The following TRIM48 variants were observed in gnomAD, a reference collection of about 807,000 sequenced individuals.
TRIM48 encodes the protein tripartite motif containing 48.
A neutral mutation model predicts 29.5 loss-of-function variants in TRIM48; 31 were observed. The observed-to-expected ratio is 1.05, with a 90% CI of 0.79 to 1.42. The LOEUF is 1.42. TRIM48 is among the 40% of genes most tolerant of loss of function. The probability of loss-of-function intolerance (pLI) is 0.00; values close to 1 mark genes in which losing one functional copy is unlikely to be tolerated. For missense variants in TRIM48, 344 were observed against 265.0 expected (o/e 1.30, Z -2.07); for synonymous variants, 128 against 90.6 (o/e 1.41, Z -2.34).
chr11:55,265,106 T>C lies in TRIM48; in HGVS notation c.251T>C (p.Ile84Thr), dbSNP rs61894887. ...CAGCAGAGAAACCTCAAAACTAACA[T>C]TCGATTGAAGAAGATGGCTTCCCTT... Reference protein sequence around the residue: ...TIQQRNLKTNIRLKKMASLAR... With the variant: ...TIQQRNLKTNTRLKKMASLAR... The change falls in exon 2 of 6, where the codon ATT becomes ACT. Residue 84 changes from isoleucine (I) to threonine (T), a missense_variant. Coordinates refer to ENST00000417545, the MANE Select transcript of TRIM48 (RefSeq NM_024114.5). 100,835 of 1,582,506 alleles carry C rather than the reference T, an allele frequency of 0.064. 12,799 individuals are homozygous for C. The highest frequency in any genetic ancestry group is 0.071 in the Non-Finnish European group (82,655 of 1,165,984).
rs1446430368 is a variant in TRIM48, at chr11:55,265,225, A to G, written c.370A>G (p.Arg124Gly). 2 of 1,582,814 alleles carry G rather than the reference A, an allele frequency of 1.3e-6. No homozygotes were observed. The highest frequency in any genetic ancestry group is 1.7e-6 in the Non-Finnish European group (2 of 1,166,226). ...AAAGAAGATGTTCTGTGAAGTGGAC[A>G]GGAGCCTGCTCTGTTTGCTGTGCTC... The part of the protein sequence containing the change: ...ETKKMFCEVD[R>G]SLLCLLCSSS... Residue 124 changes from arginine to glycine, a missense_variant, in exon 2 of 6, where the codon AGG becomes GGG. Physicochemically the swap from Arg to Gly is moderately radical, Grantham distance 125 (BLOSUM62 -2). Transcript: ENST00000417545.
Position 55,262,287 on chromosome 11 carries a change from T to A in TRIM48, c.20T>A (p.Val7Glu), listed in dbSNP as rs1035934795. MSRRIIVGTLQRTQRNM... is the reference protein window; with the variant it reads MSRRIIEGTLQRTQRNM... ...AGAATTATGTCTCGAAGAATCATTGTGGGAACCCTTCAAAGAACCCAGCGG... is the reference window on the plus strand; with the variant it reads ...AGAATTATGTCTCGAAGAATCATTGAGGGAACCCTTCAAAGAACCCAGCGG... Residue 7 changes from valine (V) to glutamate (E), a missense_variant, in exon 1 of 6, where the codon GTG becomes GAG. Coordinates refer to ENST00000417545, the MANE Select transcript of TRIM48 (RefSeq NM_024114.5). 3.1e-5 allele frequency: 48 copies of A among 1,548,738 alleles called. 1 individual carries two copies. In the African/African-American group the frequency reaches 5.8e-4, roughly 19 times the overall value.
At position 55,265,445 on chromosome 11, in the gene TRIM48, C is replaced by G. The variant is rs188969148; in HGVS notation, c.459+131C>G. ...ACTCTCTTTTGGGCTTTCTTAGCTT[C>G]AAACCTCTGAGATTTGACGAGGAAG... On this transcript the variant is annotated intron_variant, in intron 2 of 5. Coordinates refer to ENST00000417545, the MANE Select transcript of TRIM48 (RefSeq NM_024114.5). 1,061 of 1,495,822 alleles carry G rather than the reference C, an allele frequency of 7.1e-4. 93 individuals carry two copies. The African/African-American group carries it at 0.014, about 19-fold the overall frequency. The allele number at this position is 1,495,822 out of a possible 1,614,324, so 92.7% of individuals were successfully genotyped here.
rs1198681057 is a variant in TRIM48, at chr11:55,265,830, G to GA, written c.555+141dup. ...AAAAAAAAAGAGAAGAAAACATTGA[G>GA]AAAAAATGGTCTCATTTCTTATGTA... On this transcript the variant is annotated intron_variant, in intron 3 of 5. Coordinates refer to ENST00000417545, the MANE Select transcript of TRIM48 (RefSeq NM_024114.5). 7.9e-6 allele frequency: 9 copies of GA among 1,136,476 alleles called. No homozygotes were observed. The East Asian group carries it at 1.2e-4, about 15-fold the overall frequency. 70.4% of individuals were successfully genotyped at this position (1,136,476 alleles called of 1,614,324 possible). A position where few individuals can be genotyped will look rare whatever the true frequency, so the allele number is the denominator to read the frequency against.
intron 5 of TRIM48, 125 bp from the exon 6 acceptor site, chr11:55,270,312 T>C (rs1326867496): frequency 1.4e-6 from 1 of 729,038 alleles, no homozygotes; most frequent in African/African-American, 1.8e-5. Flanking sequence ...AGCAAAAGTG[T>C]CCTTGTGACT....
rs17849542 is a variant in TRIM48, at chr11:55,265,608, T to G, written c.468T>G (p.Leu156=). Residue 156 remains leucine, a synonymous_variant, in exon 3 of 6, where the codon CTT becomes CTG. Transcript: ENST00000417545. The part of the protein sequence containing the change: ...EWAAEEHWEK[L]LKKMQSLWEK... Reference sequence around the variant, plus strand: ...TTATGGCTCTTTTGCAGGAGAAGCTTTTAAAGAAAATGCAGTCTTTATGGG... The same window carrying G: ...TTATGGCTCTTTTGCAGGAGAAGCTGTTAAAGAAAATGCAGTCTTTATGGG... 0.06 allele frequency: 94,742 copies of G among 1,577,020 alleles called. 9,255 individuals are homozygous for G. The highest frequency in any genetic ancestry group is 0.069 in the Non-Finnish European group (79,733 of 1,161,310).
intron 1 of TRIM48, among the ~76,000 whole-genome samples, chr11:55,264,062 T>C (rs1343978031): frequency 6.6e-6 from 1 of 152,150 alleles, no homozygotes; most frequent in Non-Finnish European, 1.5e-5. Flanking sequence ...ACCATTTCCC[T>C]GGGTGTTGGT....
chr11:55,266,777 T>G (rs979738013), intron 3 of TRIM48, among the ~76,000 whole-genome samples: 2 of 147,758 alleles, frequency 1.4e-5, no homozygotes, highest in African/African-American at 5.0e-5. Flanking sequence ...TGTGTGTCTG[T>G]GTGTAAAATT....
At chr11:55,269,191 T>G (rs1191698725) in intron 4 of TRIM48, 51 bp from the exon 5 acceptor site, 1 of 1,552,338 alleles carries the variant, frequency 6.4e-7, no homozygotes, top group African/African-American at 1.4e-5. Flanking sequence ...AGTAGTGATT[T>G]TTATTTATTT....
intron 5 of TRIM48, 126 bp downstream of exon 5, chr11:55,269,465 C>T: frequency 7.9e-7 from 1 of 1,269,880 alleles, no homozygotes; most frequent in Non-Finnish European, 1.1e-6. Flanking sequence ...ACAATATAAT[C>T]ATGCAACCCT....
intron 3 of TRIM48, among the ~76,000 whole-genome samples, chr11:55,267,977 A>G (rs1203177399): frequency 6.8e-6 from 1 of 147,896 alleles, no homozygotes; most frequent in Non-Finnish European, 1.5e-5. Context: ...ATTTGAGGAC[A>G]TGGCAAGATC....
rs570525817 is a variant in TRIM48 at position 55,263,442 on chromosome 11, C to T, written c.44+1131C>T. Reference sequence around the variant, plus strand: ...CCGTGGCAGGCAGATCACTTGAGGCCGGGAGTTCAAGTCCAGCCTGGCCAA... The same window carrying T: ...CCGTGGCAGGCAGATCACTTGAGGCTGGGAGTTCAAGTCCAGCCTGGCCAA... On this transcript the variant is annotated intron_variant, in intron 1 of 5. Transcript: ENST00000417545. 4.3e-3 allele frequency among the ~76,000 whole-genome samples: 647 copies of T among 151,890 alleles called. 8 individuals carry two copies. The highest frequency in any genetic ancestry group is 0.015 in the African/African-American group (608 of 41,386).
chr11:55,266,668 T>G (rs1399541454), intron 3 of TRIM48, among the ~76,000 whole-genome samples: 1 of 147,574 alleles, frequency 6.8e-6, no homozygotes, highest in Admixed American at 6.9e-5. Context: ...GAAAAAAGAC[T>G]CACTGAAAAA....
At chr11:55,265,893 C>A (rs139681981) in intron 3 of TRIM48, among the ~76,000 whole-genome samples, 198 bp downstream of exon 3, 1 of 146,890 alleles carries the variant, frequency 6.8e-6, no homozygotes, top group Non-Finnish European at 1.5e-5. Flanking sequence ...CTAACAAAAC[C>A]GTTGATGTTA....
At chr11:55,262,495 C>G (rs956550063) in intron 1 of TRIM48, among the ~76,000 whole-genome samples, 184 bp downstream of exon 1, 1 of 151,980 alleles carries the variant, frequency 6.6e-6, no homozygotes, top group South Asian at 2.1e-4. Flanking sequence ...TTCTATCATT[C>G]TTCAATATAG....
Position 55,269,428 on chromosome 11 carries a change from A to G in TRIM48, c.*1+89A>G, listed in dbSNP as rs1857444922. The G allele has an allele frequency of 2.7e-6, 4 of 1,463,556 alleles. 1 individual carries two copies. The African/African-American group carries it at 5.6e-5, about 21-fold the overall frequency. The allele number at this position is 1,463,556 out of a possible 1,614,324, so 90.7% of individuals were successfully genotyped here. A position where few individuals can be genotyped will look rare whatever the true frequency, so the allele number is the denominator to read the frequency against. The stretch of plus-strand genomic sequence containing the variant: ...GGTAATATTTCATCCTTTATCAAAT[A>G]TTTTACTACTTTATAAGCATAAGAG... On this transcript the variant is annotated intron_variant, in intron 5 of 5. Transcript: ENST00000417545.
rs556024954 is a variant in TRIM48 at position 55,268,475 on chromosome 11, ATTTT to A, written c.578+109_578+112del. 1.7e-6 allele frequency: 2 copies of A among 1,145,280 alleles called. 1 individual carries two copies. Among genetic ancestry groups the A allele is most frequent in the East Asian group, 6.1e-5 (2 of 33,012 alleles). The allele number at this position is 1,145,280 out of a possible 1,614,324, so 70.9% of individuals were successfully genotyped here. A position where few individuals can be genotyped will look rare whatever the true frequency, so the allele number is the denominator to read the frequency against. On this transcript the variant is annotated intron_variant, in intron 4 of 5. Transcript: ENST00000417545. The stretch of plus-strand genomic sequence containing the variant: ...CATAAACGATTAAGATATTGATACT[ATTTT>A]TTTTTGCATCTTCTTTCATTCCCAC...
At chr11:55,264,834 T>A (rs1857360860) in intron 1 of TRIM48, 66 bp from the exon 2 acceptor site, 3 of 1,565,448 alleles carry the variant, frequency 1.9e-6, no homozygotes, top group South Asian at 2.4e-5. Flanking sequence ...ATCACTTATC[T>A]CCACATGTTC....
intron 3 of TRIM48, among the ~76,000 whole-genome samples, chr11:55,266,828 T>C (rs541725945): frequency 4.1e-5 from 6 of 147,626 alleles, no homozygotes; most frequent in African/African-American, 1.5e-4. Flanking sequence ...TTTGAGTTTG[T>C]GTATATTTGG....
Sources: allele counts gnomAD v4.1 joint callset (sites outside exome capture counted in the v4.1 genomes callset), GRCh38; gene constraint gnomAD v4.1.1; transcripts MANE v1.5; gene names NCBI Gene and HGNC (gene_info 2026-07-23, HGNC 2026-07-21).